Variants in WWOX observed in about 807,000 individuals in gnomAD.
WWOX encodes WW domain containing oxidoreductase, also known as WW domain-containing oxidoreductase.
Under a neutral mutation model 46.2 loss-of-function variants are expected in WWOX, and 69 were observed. That is an observed-to-expected ratio of 1.49 (90% CI 1.23 to 1.82). The LOEUF (loss-of-function observed/expected upper bound fraction) is 1.82, where lower values mean the gene tolerates loss of function less well. Ranked by LOEUF, WWOX falls within the 40% of genes most tolerant of loss-of-function variation. The probability of loss-of-function intolerance (pLI) is 0.00; values close to 1 mark genes in which losing one functional copy is unlikely to be tolerated. For missense variants in WWOX, 919 were observed against 542.6 expected, an observed-to-expected ratio of 1.69 and a Z score of -6.89; for synonymous variants, 359 against 202.6, an observed-to-expected ratio of 1.77 and a Z score of -6.56.
At chr16:78,381,049 G>A (rs1257418606) in intron 5 of WWOX, among the ~76,000 whole-genome samples, 1 of 152,144 alleles carries the variant, frequency 6.6e-6, no homozygotes, top group East Asian at 1.9e-4. Context: ...TAGCTTTCCT[G>A]AAGTCAAGTT....
chr16:78,513,852 G>C (rs1404052305), intron 8 of WWOX, among the ~76,000 whole-genome samples: 1 of 151,630 alleles, frequency 6.6e-6, no homozygotes, highest in African/African-American at 2.4e-5. Context: ...GGAACACTTG[G>C]TCGAAAAACA....
intron 8 of WWOX, chr16:78,892,323 A>G (rs2044608252): frequency 6.6e-6 from 1 of 152,226 alleles, no homozygotes; most frequent in African/African-American, 2.4e-5. Context: ...GCTAAAATCA[A>G]ATGGCTTCTG....
At chr16:78,781,507 A>C (rs1447596288) in intron 8 of WWOX, among the ~76,000 whole-genome samples, 2 of 152,194 alleles carry the variant, frequency 1.3e-5, no homozygotes, top group African/African-American at 4.8e-5. Context: ...AGGTATAGAC[A>C]TTATGACCCT....
intron 4 of WWOX, among the ~76,000 whole-genome samples, chr16:78,140,919 G>A (rs961317429): frequency 6.6e-6 from 1 of 152,140 alleles, no homozygotes; most frequent in East Asian, 1.9e-4. Context: ...CAAGTCATTC[G>A]AAAGAAATAG....
intron 4 of WWOX, among the ~76,000 whole-genome samples, chr16:78,146,125 C>T (rs778510790): frequency 3.6e-4 from 55 of 152,032 alleles, no homozygotes; most frequent in Non-Finnish European, 5.6e-4. Context: ...ATTCTAGTTG[C>T]GCATGCTTCC....
chr16:78,310,507 C>T (rs537927940), intron 5 of WWOX, among the ~76,000 whole-genome samples: 19 of 152,212 alleles, frequency 1.2e-4, no homozygotes, highest in African/African-American at 3.9e-4. Flanking sequence ...ATCTAAAGGA[C>T]GTGCCATTGC....
At chr16:78,638,758 G>C (rs2046635556) in intron 8 of WWOX, among the ~76,000 whole-genome samples, 1 of 152,128 alleles carries the variant, frequency 6.6e-6, no homozygotes, top group Admixed American at 6.5e-5. Context: ...TCTCTCTCTG[G>C]GTTGGGAGGA....
chr16:79,002,575 G>A (rs2047115412), intron 8 of WWOX, among the ~76,000 whole-genome samples: 1 of 152,170 alleles, frequency 6.6e-6, no homozygotes, highest in Non-Finnish European at 1.5e-5. Context: ...CAGAACTAAA[G>A]TGATGATGAT....
intron 8 of WWOX, among the ~76,000 whole-genome samples, chr16:78,774,269 C>T (rs1461025450): frequency 1.3e-5 from 2 of 152,104 alleles, no homozygotes; most frequent in African/African-American, 4.8e-5. Context: ...GGCGTGGTAG[C>T]AGGCGCCTGT....
intron 8 of WWOX, among the ~76,000 whole-genome samples, chr16:79,119,191 A>T (rs1307656481): frequency 5.2e-5 from 3 of 57,338 alleles, no homozygotes; most frequent in Non-Finnish European, 6.0e-5. Context: ...AGTGCTCATT[A>T]AAAAAAAAAA....
intron 6 of WWOX, among the ~76,000 whole-genome samples, chr16:78,390,324 T>C (rs2082151722): frequency 6.6e-6 from 1 of 152,212 alleles, no homozygotes. Flanking sequence ...TTTTAACCAT[T>C]AAGTAGTTGG....
chr16:78,170,894 G>T (rs1201997019), intron 5 of WWOX, among the ~76,000 whole-genome samples: 1 of 152,220 alleles, frequency 6.6e-6, no homozygotes, highest in Non-Finnish European at 1.5e-5. Context: ...ATGTTTTAGG[G>T]AGAGAGCGCA....
chr16:78,320,636 C>T (rs1176996744), intron 5 of WWOX, among the ~76,000 whole-genome samples: 3 of 152,200 alleles, frequency 2.0e-5, no homozygotes, highest in African/African-American at 7.2e-5. Context: ...CAGCAGGCTG[C>T]ACCTAGGGGA....
At chr16:78,726,244 G>C (rs2048833969) in intron 8 of WWOX, among the ~76,000 whole-genome samples, 1 of 133,968 alleles carries the variant, frequency 7.5e-6, no homozygotes, top group African/African-American at 2.8e-5. Context: ...TCTTTTTTTT[G>C]GAAACAGTCT....
At chr16:79,030,557 G>A (rs1300311853) in intron 8 of WWOX, among the ~76,000 whole-genome samples, 2 of 152,154 alleles carry the variant, frequency 1.3e-5, no homozygotes, top group Non-Finnish European at 2.9e-5. Context: ...TTGCTGTACC[G>A]ACTCATATGA....
intron 4 of WWOX, among the ~76,000 whole-genome samples, chr16:78,149,591 G>C (rs1286614906): frequency 6.6e-6 from 1 of 152,226 alleles, no homozygotes; most frequent in East Asian, 1.9e-4. Flanking sequence ...AGGGAGCACT[G>C]GTAGGCTGTT....
At chr16:78,877,922 A>C (rs139746058) in intron 8 of WWOX, among the ~76,000 whole-genome samples, 1 of 152,320 alleles carries the variant, frequency 6.6e-6, no homozygotes, top group African/African-American at 2.4e-5. Flanking sequence ...CTCCTGGATG[A>C]GAGGGGATTG....
At chr16:78,102,040 C>G (rs2031830501) in intron 1 of WWOX, among the ~76,000 whole-genome samples, 1 of 152,144 alleles carries the variant, frequency 6.6e-6, no homozygotes, top group African/African-American at 2.4e-5. Context: ...CCCGCATCAG[C>G]CTGTTGAGTA....
intron 8 of WWOX, among the ~76,000 whole-genome samples, chr16:78,592,474 G>T (rs942748393): frequency 1.3e-5 from 2 of 152,184 alleles, no homozygotes; most frequent in East Asian, 3.9e-4. Flanking sequence ...TCCATAGGAC[G>T]CAGAGTTATT....
Sources: allele counts gnomAD v4.1 joint callset (sites outside exome capture counted in the v4.1 genomes callset), GRCh38; gene constraint gnomAD v4.1.1; transcripts MANE v1.5; gene names NCBI Gene and HGNC (gene_info 2026-07-23, HGNC 2026-07-21).